TNRC6A: variants seen among roughly 807,000 people sequenced by gnomAD.
TNRC6A encodes trinucleotide repeat-containing gene 6A protein.
Under a neutral mutation model 221.2 loss-of-function variants are expected in TNRC6A, and 44 were observed. The ratio of observed to expected loss-of-function variants is 0.20; its 90% CI spans 0.16 to 0.26. The LOEUF is 0.26. TNRC6A is among the 10% of genes least tolerant of loss of function. The pLI, the probability that TNRC6A is intolerant of heterozygous loss-of-function variation, is 1.00. For missense variants in TNRC6A, 2,199 were observed against 2,404.4 expected, an observed-to-expected ratio of 0.91 and a Z score of 1.79; for synonymous variants, 847 against 838.5, an observed-to-expected ratio of 1.01 and a Z score of -0.18.
At chr16:24,647,396 C>T (rs147470328) in intron 2 of TNRC6A, among the ~76,000 whole-genome samples, 3 of 152,218 alleles carry the variant, frequency 2.0e-5, no homozygotes, top group Non-Finnish European at 4.4e-5. Context: ...ATCTCTAATC[C>T]TGATAAAATA....
intron 12 of TNRC6A, 150 bp downstream of exon 12, chr16:24,804,469 T>C: frequency 8.9e-7 from 1 of 1,120,230 alleles, no homozygotes; most frequent in Non-Finnish European, 1.2e-6. Flanking sequence ...TCACTGTCTT[T>C]TTATGTCTCA....
chr16:24,683,611 A>G (rs1024729882), intron 2 of TNRC6A, among the ~76,000 whole-genome samples: 2 of 152,202 alleles, frequency 1.3e-5, no homozygotes, highest in Non-Finnish European at 1.5e-5. Flanking sequence ...GGGAGGTGGT[A>G]GAGTGCCGTG....
At chr16:24,808,224 A>G (rs1253141470) in intron 17 of TNRC6A, among the ~76,000 whole-genome samples, 1 of 152,246 alleles carries the variant, frequency 6.6e-6, no homozygotes, top group East Asian at 1.9e-4. Flanking sequence ...CACACTTGAC[A>G]TATAAATTGG....
chr16:24,726,923 A>C (rs140662352), upstream of TNRC6A, among the ~76,000 whole-genome samples: 1 of 152,314 alleles, frequency 6.6e-6, no homozygotes, highest in East Asian at 1.9e-4. Context: ...AGATAATTTA[A>C]AAGTGACTAG....
chr16:24,706,589 G>A (rs1015216453), intron 2 of TNRC6A, among the ~76,000 whole-genome samples: 1 of 150,950 alleles, frequency 6.6e-6, no homozygotes, highest in Admixed American at 6.6e-5. Context: ...AGTGGCGGGC[G>A]CCTGAAGCAG....
chr16:24,772,177 T>G (rs1486676235), intron 4 of TNRC6A, among the ~76,000 whole-genome samples: 1 of 152,214 alleles, frequency 6.6e-6, no homozygotes, highest in African/African-American at 2.4e-5. Flanking sequence ...AATCTCCACG[T>G]TTGAATTTGT....
chr16:24,684,114 A>G (rs2142076842), intron 2 of TNRC6A, among the ~76,000 whole-genome samples: 1 of 152,346 alleles, frequency 6.6e-6, no homozygotes, highest in South Asian at 2.1e-4. Flanking sequence ...ATAAAACTTT[A>G]TTTATATGGC....
At chr16:24,778,331 T>C (rs927140552) in intron 5 of TNRC6A, 1 of 984,802 alleles carries the variant, frequency 1.0e-6, no homozygotes, top group African/African-American at 1.7e-5. Context: ...TAATATATTA[T>C]GGTATTTCAC....
At chr16:24,723,311 T>C (rs2056442532) in intron 2 of TNRC6A, among the ~76,000 whole-genome samples, 2 of 152,068 alleles carry the variant, frequency 1.3e-5, no homozygotes, top group South Asian at 4.1e-4. Context: ...GAGTCCATGG[T>C]GGCAGGGCGC....
Position 24,789,718 on chromosome 16 carries a change from G to A in TNRC6A, c.1076G>A (p.Ser359Asn), listed in dbSNP as rs1225603436. ...TCATCAAATGGAGGGTTAAATCCAA[G>A]CACTTTGAATTCAGCTAGCAACCAT... ...SSSSNGGLNPSTLNSASNHGA... is the reference protein window; with the variant it reads ...SSSSNGGLNPNTLNSASNHGA... Residue 359 changes from serine to asparagine, a missense_variant, in exon 6 of 25, where the codon AGC (serine) becomes AAC (asparagine). Coordinates refer to ENST00000395799, the MANE Select transcript of TNRC6A (RefSeq NM_014494.4). 6.2e-7 allele frequency: 1 copy of A among 1,614,220 alleles called. No individual in the cohort carries two copies. The highest frequency in any genetic ancestry group is 1.1e-5 in the South Asian group (1 of 91,086).
intron 5 of TNRC6A, among the ~76,000 whole-genome samples, chr16:24,777,812 A>ACCC (rs1175928963): frequency 2.6e-5 from 4 of 152,174 alleles, no homozygotes; most frequent in Non-Finnish European, 5.9e-5. Context: ...CCATAAAAAG[A>ACCC]CTGGCACTCA....
At chr16:24,805,303 A>T in intron 14 of TNRC6A, 152 bp downstream of exon 14, 1 of 1,147,328 alleles carries the variant, frequency 8.7e-7, no homozygotes, top group Non-Finnish European at 1.2e-6. Flanking sequence ...AAAAGGTTGT[A>T]GTAAGGAAAA....
At chr16:24,646,548 C>T (rs567221584) in intron 2 of TNRC6A, among the ~76,000 whole-genome samples, 10 of 152,318 alleles carry the variant, frequency 6.6e-5, no homozygotes, top group Admixed American at 1.3e-4. Context: ...ATAAGGGAAA[C>T]ATCAGTCTCT....
At chr16:24,791,949 T>C (rs559192959) in intron 6 of TNRC6A, 132 bp downstream of exon 6, 582 of 995,698 alleles carry the variant, frequency 5.8e-4, no homozygotes, top group Non-Finnish European at 7.7e-4. Context: ...AAAAAAATTA[T>C]AGGGGTGATG....
chr16:24,732,759 C>G (rs2056674208), intron 2 of TNRC6A, among the ~76,000 whole-genome samples: 1 of 152,184 alleles, frequency 6.6e-6, no homozygotes, highest in African/African-American at 2.4e-5. Context: ...TCAGCATCCG[C>G]AGTAGCACTC....
intron 20 of TNRC6A, 140 bp downstream of exon 20, chr16:24,817,096 G>A: frequency 1.3e-6 from 1 of 768,282 alleles, no homozygotes; most frequent in Admixed American, 2.9e-5. Flanking sequence ...GGCAAGCCTG[G>A]GCAACATAGT....
In TNRC6A at chr16:24,805,060, C is replaced by T. The variant is rs1241439050; in HGVS notation, c.4031C>T (p.Pro1344Leu). The T allele has an allele frequency of 5.6e-6, 9 of 1,614,154 alleles. No homozygotes were observed. The highest frequency in any genetic ancestry group is 7.6e-6 in the Non-Finnish European group (9 of 1,180,020). The change falls in exon 14 of 25, where the codon CCC (proline) becomes CTC (leucine). Residue 1344 changes from proline (P) to leucine (L), a missense_variant. Physicochemically the swap from Pro to Leu is moderately conservative, Grantham distance 98 (BLOSUM62 -3). Coordinates refer to ENST00000395799, the MANE Select transcript of TNRC6A (RefSeq NM_014494.4). ...GGTGTTGGAAACACAGCAGCACAAC[C>T]CCGGGGCATGCAGCAGCCTCCAGCA... Reference protein sequence around the residue: ...MFGVGNTAAQPRGMQQPPAQP... With the variant: ...MFGVGNTAAQLRGMQQPPAQP...
At chr16:24,795,719 C>T (rs1448676094) in intron 8 of TNRC6A, 188 bp from the exon 9 acceptor site, 2 of 477,408 alleles carry the variant, frequency 4.2e-6, no homozygotes, top group Non-Finnish European at 7.6e-6. Context: ...TTACATAAGT[C>T]ATTTGATCCT....
chr16:24,622,612 A>C (rs570175382), intron 1 of TNRC6A, among the ~76,000 whole-genome samples: 1 of 152,312 alleles, frequency 6.6e-6, no homozygotes, highest in East Asian at 1.9e-4. Flanking sequence ...AAAAATCATC[A>C]TAATAATTGC....
Sources: allele counts gnomAD v4.1 joint callset (sites outside exome capture counted in the v4.1 genomes callset), GRCh38; gene constraint gnomAD v4.1.1; transcripts MANE v1.5; gene names NCBI Gene and HGNC (gene_info 2026-07-23, HGNC 2026-07-21).